The following KCNA5 variants were observed in gnomAD, a reference collection of about 807,000 sequenced individuals.
KCNA5 encodes potassium voltage-gated channel subfamily A member 5, also known as cardiac potassium channel.
KCNA5 carries 22 observed loss-of-function variants against 26.5 expected under a neutral mutation model. The observed-to-expected ratio is 0.83, with a 90% confidence interval of 0.59 to 1.18. The LOEUF is 1.18. Ranked by LOEUF, KCNA5 falls within the 50% of genes most tolerant of loss-of-function variation. KCNA5 has a pLI of 0.00. For missense variants in KCNA5, 916 were observed against 843.2 expected (o/e 1.09, Z -1.07); for synonymous variants, 465 against 372.8 (o/e 1.25, Z -2.85).
rs1476810269 is a variant in KCNA5 at position 5,044,037 on chromosome 12, A to G, written c.-111A>G. 4 of 1,241,344 alleles carry G rather than the reference A, an allele frequency of 3.2e-6. No individual in the cohort carries two copies. The highest frequency in any genetic ancestry group is 4.5e-6 in the Non-Finnish European group (4 of 890,504). 76.9% of individuals were successfully genotyped at this position (1,241,344 alleles called of 1,614,324 possible). ...CCAGCAACCCCAGCTCTCCCCAGAG[A>G]GGGGCCGGCCGACCGCTGGAGCGGA... On this transcript the variant is annotated 5_prime_UTR_variant, in exon 1 of 1. Coordinates refer to ENST00000252321, the MANE Select transcript of KCNA5 (RefSeq NM_002234.4).
chr12:5,044,203 G>C lies in KCNA5; in HGVS notation c.56G>C (p.Gly19Ala). Residue 19 changes from glycine (G) to alanine (A), a missense_variant, in exon 1 of 1, where the codon GGC (glycine) becomes GCC (alanine). By Grantham distance (60) the Gly-to-Ala change is moderately conservative. Coordinates refer to ENST00000252321, the MANE Select transcript of KCNA5 (RefSeq NM_002234.4). ...GGCGGTGCCATGACCGTCAGAGGAG[G>C]CGATGAGGCCCGGGCAGGCTGCGGC... Reference protein sequence around the residue: ...ENGGAMTVRGGDEARAGCGQA... With the variant: ...ENGGAMTVRGADEARAGCGQA... The C allele has an allele frequency of 6.5e-7, 1 of 1,537,766 alleles. No individual in the cohort carries two copies. Among genetic ancestry groups the C allele is most frequent in the Non-Finnish European group, 8.7e-7 (1 of 1,146,800 alleles).
At position 5,045,431 on chromosome 12, in the gene KCNA5, G is replaced by A; in HGVS notation, c.1284G>A (p.Gln428=). 1 of 1,614,184 alleles carries A rather than the reference G, an allele frequency of 6.2e-7. No individual in the cohort carries two copies. The highest frequency in any genetic ancestry group is 8.5e-7 in the Non-Finnish European group (1 of 1,180,012). Residue 428 remains glutamine (Q), a synonymous_variant, in exon 1 of 1, where the codon CAG becomes CAA. Transcript: ENST00000252321. The surrounding 1 kb of genome is among the most constrained non-coding windows in gnomAD (Gnocchi z 5.6). Reference sequence around the variant, plus strand: ...TGCAGATCCTGGGCAAGACCTTGCAGGCCTCCATGAGGGAGCTGGGGCTGC... The same window carrying A: ...TGCAGATCCTGGGCAAGACCTTGCAAGCCTCCATGAGGGAGCTGGGGCTGC... ...KGLQILGKTL[Q]ASMRELGLLI... is the part of the protein sequence containing the mutation.
chr12:5,044,591 C>G lies in KCNA5; in HGVS notation c.444C>G (p.Asp148Glu). The G allele has an allele frequency of 6.2e-7, 1 of 1,614,072 alleles. No homozygotes were observed. Among genetic ancestry groups the G allele is most frequent in the Non-Finnish European group, 8.5e-7 (1 of 1,180,034 alleles). ...LAQFPNTLLGDPAKRLRYFDP... is the reference protein window; with the variant it reads ...LAQFPNTLLGEPAKRLRYFDP... ...AGTTCCCCAACACACTCCTGGGGGA[C>G]CCCGCCAAGCGCCTGCGCTACTTCG... Residue 148 changes from aspartate to glutamate, a missense_variant, in exon 1 of 1, where the codon GAC becomes GAG. Physicochemically the swap from Asp to Glu is conservative, Grantham distance 45. Coordinates refer to ENST00000252321, the MANE Select transcript of KCNA5 (RefSeq NM_002234.4).
In KCNA5 at chr12:5,046,049, G is replaced by T; in HGVS notation, c.*60G>T. Reference sequence around the variant, plus strand: ...GGGAATGGGAGGCTTGCTGAACATGGATATCTACATTATACCGCAGAGTAT... The same window carrying T: ...GGGAATGGGAGGCTTGCTGAACATGTATATCTACATTATACCGCAGAGTAT... On this transcript the variant is annotated 3_prime_UTR_variant, in exon 1 of 1. Transcript: ENST00000252321. 6.3e-7 allele frequency: 1 copy of T among 1,591,662 alleles called. No individual in the cohort carries two copies. The highest frequency in any genetic ancestry group is 8.6e-7 in the Non-Finnish European group (1 of 1,161,924).
chr12:5,045,744 G>T lies in KCNA5; in HGVS notation c.1597G>T (p.Ala533Ser), dbSNP rs540903138. ...YHRETDHEEPAVLKEEQGTQS... is the reference protein window; with the variant it reads ...YHRETDHEEPSVLKEEQGTQS... ...CCGGGAAACGGATCACGAGGAGCCGGCAGTCCTTAAGGAAGAGCAGGGCAC... is the reference window on the plus strand; with the variant it reads ...CCGGGAAACGGATCACGAGGAGCCGTCAGTCCTTAAGGAAGAGCAGGGCAC... The change falls in exon 1 of 1, where the codon GCA (alanine) becomes TCA (serine). Residue 533 changes from alanine to serine, a missense_variant. By Grantham distance (99) the Ala-to-Ser change is moderately conservative. Coordinates refer to ENST00000252321, the MANE Select transcript of KCNA5 (RefSeq NM_002234.4). The surrounding 1 kb of genome is among the most constrained non-coding windows in gnomAD (Gnocchi z 5.6). 9.9e-6 allele frequency: 16 copies of T among 1,614,154 alleles called. 1 individual carries two copies. In the South Asian group the frequency reaches 1.6e-4, roughly 17 times the overall value.
rs1197530568 is a variant in KCNA5, at chr12:5,044,215, G to C, written c.68G>C (p.Arg23Pro). ...ACCGTCAGAGGAGGCGATGAGGCCCGGGCAGGCTGCGGCCAGGCCACAGGG... is the reference window on the plus strand; with the variant it reads ...ACCGTCAGAGGAGGCGATGAGGCCCCGGCAGGCTGCGGCCAGGCCACAGGG... ...AMTVRGGDEA[R>P]AGCGQATGGE... Residue 23 changes from arginine to proline, a missense_variant, in exon 1 of 1, where the codon CGG becomes CCG. Physicochemically the swap from Arg to Pro is moderately radical, Grantham distance 103 (BLOSUM62 -2). Coordinates refer to ENST00000252321, the MANE Select transcript of KCNA5 (RefSeq NM_002234.4). The C allele has an allele frequency of 6.5e-7, 1 of 1,537,886 alleles. No individual in the cohort carries two copies.
At position 5,046,196 on chromosome 12, in the gene KCNA5, C is replaced by T; in HGVS notation, c.*207C>T. The stretch of plus-strand genomic sequence containing the variant: ...AAGGGTCGCCTATTTTTAAAAAGTA[C>T]CACATTCCATGACGCAGGAGCTGTG... On this transcript the variant is annotated 3_prime_UTR_variant, in exon 1 of 1. Transcript: ENST00000252321. 4.5e-6 allele frequency: 3 copies of T among 671,770 alleles called. No homozygotes were observed. Among genetic ancestry groups the T allele is most frequent in the Non-Finnish European group, 5.3e-6 (2 of 374,188 alleles). 41.6% of individuals were successfully genotyped at this position (671,770 alleles called of 1,614,324 possible). A position where few individuals can be genotyped will look rare whatever the true frequency, so the allele number is the denominator to read the frequency against.
Position 5,044,224 on chromosome 12 carries a change from G to T in KCNA5, c.77G>T (p.Cys26Phe). 1 of 1,538,080 alleles carries T rather than the reference G, an allele frequency of 6.5e-7. No homozygotes were observed. Among genetic ancestry groups the T allele is most frequent in the African/African-American group, 1.4e-5 (1 of 73,220 alleles). ...VRGGDEARAG[C>F]GQATGGELQC... ...GGAGGCGATGAGGCCCGGGCAGGCT[G>T]CGGCCAGGCCACAGGGGGAGAGCTC... Residue 26 changes from cysteine to phenylalanine, a missense_variant, in exon 1 of 1, where the codon TGC becomes TTC. By Grantham distance (205) the Cys-to-Phe change is radical. Coordinates refer to ENST00000252321, the MANE Select transcript of KCNA5 (RefSeq NM_002234.4).
rs776218588 is a variant in KCNA5, at chr12:5,044,305, G to T, written c.158G>T (p.Gly53Val). The change falls in exon 1 of 1, where the codon GGG becomes GTG. Residue 53 changes from glycine (G) to valine (V), a missense_variant. By Grantham distance (109) the Gly-to-Val change is moderately radical. Transcript: ENST00000252321. Reference sequence around the variant, plus strand: ...GGGCCCAAGGAGCCGGCGCCAAAGGGGCGCGGCGCGCAGAGAGACGCGGAC... The same window carrying T: ...GGGCCCAAGGAGCCGGCGCCAAAGGTGCGCGGCGCGCAGAGAGACGCGGAC... Reference protein sequence around the residue: ...SDGPKEPAPKGRGAQRDADSG... With the variant: ...SDGPKEPAPKVRGAQRDADSG... 1.1e-5 allele frequency: 17 copies of T among 1,548,960 alleles called. No homozygotes were observed. In the South Asian group the frequency reaches 1.8e-4, roughly 16 times the overall value.
Position 5,046,169 on chromosome 12 carries a change from C to G in KCNA5, c.*180C>G, listed in dbSNP as rs968690309. ...ATTTTCTCTATTCTTTCCATGACACCCAAGGGTCGCCTATTTTTAAAAAGT... is the reference window on the plus strand; with the variant it reads ...ATTTTCTCTATTCTTTCCATGACACGCAAGGGTCGCCTATTTTTAAAAAGT... On this transcript the variant is annotated 3_prime_UTR_variant, in exon 1 of 1. Transcript: ENST00000252321. 1 of 776,568 alleles carries G rather than the reference C, an allele frequency of 1.3e-6. No individual in the cohort carries two copies. The highest frequency in any genetic ancestry group is 2.2e-6 in the Non-Finnish European group (1 of 458,230). 48.1% of individuals were successfully genotyped at this position (776,568 alleles called of 1,614,324 possible). A position where few individuals can be genotyped will look rare whatever the true frequency, so the allele number is the denominator to read the frequency against.
Position 5,043,951 on chromosome 12 carries a change from A to T in KCNA5, c.-197A>T. 1 of 602,116 alleles carries T rather than the reference A, an allele frequency of 1.7e-6. No homozygotes were observed. The highest frequency in any genetic ancestry group is 2.9e-6 in the Non-Finnish European group (1 of 345,684). The allele number at this position is 602,116 out of a possible 1,614,324, so 37.3% of individuals were successfully genotyped here. A position where few individuals can be genotyped will look rare whatever the true frequency, so the allele number is the denominator to read the frequency against. Reference sequence around the variant, plus strand: ...CTGCTTGGTAACGGGCTGCCAGAAGAGAGAGAGGCAGAGAGCAGGGCAGCG... The same window carrying T: ...CTGCTTGGTAACGGGCTGCCAGAAGTGAGAGAGGCAGAGAGCAGGGCAGCG... On this transcript the variant is annotated 5_prime_UTR_variant, in exon 1 of 1. Coordinates refer to ENST00000252321, the MANE Select transcript of KCNA5 (RefSeq NM_002234.4).
chr12:5,044,922 G>T lies in KCNA5; in HGVS notation c.775G>T (p.Val259Phe), dbSNP rs528511896. Residue 259 changes from valine to phenylalanine, a missense_variant, in exon 1 of 1, where the codon GTT becomes TTT. Coordinates refer to ENST00000252321, the MANE Select transcript of KCNA5 (RefSeq NM_002234.4). ...ARAIAIVSVL[V>F]ILISIITFCL... ...GGCCATCGCCATCGTCTCGGTCTTG[G>T]TTATCCTCATCTCCATCATCACCTT... The T allele has an allele frequency of 1.9e-6, 3 of 1,613,640 alleles. No homozygotes were observed. The African/African-American group carries it at 4.0e-5, about 22-fold the overall frequency.
At position 5,044,781 on chromosome 12, in the gene KCNA5, C is replaced by A. The variant is rs77281462; in HGVS notation, c.634C>A (p.Arg212Ser). 2.5e-6 allele frequency: 4 copies of A among 1,614,188 alleles called. No individual in the cohort carries two copies. The highest frequency in any genetic ancestry group is 1.7e-5 in the Admixed American group (1 of 60,032). Reference protein sequence around the residue: ...FYQLGDEAMERFREDEGFIKE... With the variant: ...FYQLGDEAMESFREDEGFIKE... Reference sequence around the variant, plus strand: ...CCAGCTGGGGGACGAGGCCATGGAGCGCTTCCGCGAGGATGAGGGCTTCAT... The same window carrying A: ...CCAGCTGGGGGACGAGGCCATGGAGAGCTTCCGCGAGGATGAGGGCTTCAT... The change falls in exon 1 of 1, where the codon CGC (arginine) becomes AGC (serine). Residue 212 changes from arginine to serine, a missense_variant. Arg to Ser is a moderately radical substitution (Grantham distance 110, BLOSUM62 -1). Transcript: ENST00000252321.
chr12:5,043,900 G>A lies in KCNA5; in HGVS notation c.-248G>A. 1 of 533,584 alleles carries A rather than the reference G, an allele frequency of 1.9e-6. No homozygotes were observed. 33.1% of individuals were successfully genotyped at this position (533,584 alleles called of 1,614,324 possible). ...AGCCAGAGAGGGGCGGCTGAAGGTTGCATCTGCTGGAAGGAGGCTTTTCGG... is the reference window on the plus strand; with the variant it reads ...AGCCAGAGAGGGGCGGCTGAAGGTTACATCTGCTGGAAGGAGGCTTTTCGG... On this transcript the variant is annotated 5_prime_UTR_variant, in exon 1 of 1. Transcript: ENST00000252321.
rs45504599 is a variant in KCNA5, at chr12:5,044,528, C to G, written c.381C>G (p.Ser127=). Residue 127 remains serine, a synonymous_variant, in exon 1 of 1, where the codon TCC becomes TCG. Transcript: ENST00000252321. Reference sequence around the variant, plus strand: ...ACCAGCGCGTCCACATCAACATCTCCGGGCTGCGCTTTGAGACGCAGCTGG... The same window carrying G: ...ACCAGCGCGTCCACATCAACATCTCGGGGCTGCGCTTTGAGACGCAGCTGG... ...LHHQRVHINI[S]GLRFETQLGT... 1 of 1,613,572 alleles carries G rather than the reference C, an allele frequency of 6.2e-7. No homozygotes were observed. Among genetic ancestry groups the G allele is most frequent in the Non-Finnish European group, 8.5e-7 (1 of 1,179,880 alleles).
At position 5,044,699 on chromosome 12, in the gene KCNA5, C is replaced by A; in HGVS notation, c.552C>A (p.Arg184=). The change falls in exon 1 of 1, where the codon CGC becomes CGA. Residue 184 remains arginine, a synonymous_variant. Transcript: ENST00000252321. The part of the protein sequence containing the change: ...GILYYYQSGG[R]LRRPVNVSLD... ...TCTACTACTACCAGTCCGGGGGCCGCCTGCGGAGGCCGGTCAACGTCTCCC... is the reference window on the plus strand; with the variant it reads ...TCTACTACTACCAGTCCGGGGGCCGACTGCGGAGGCCGGTCAACGTCTCCC... 1 of 1,614,190 alleles carries A rather than the reference C, an allele frequency of 6.2e-7. No homozygotes were observed. Among genetic ancestry groups the A allele is most frequent in the Non-Finnish European group, 8.5e-7 (1 of 1,180,046 alleles).
chr12:5,044,714 C>T lies in KCNA5; in HGVS notation c.567C>T (p.Val189=). The T allele has an allele frequency of 6.2e-7, 1 of 1,614,196 alleles. No homozygotes were observed. The highest frequency in any genetic ancestry group is 2.2e-5 in the East Asian group (1 of 44,854). Residue 189 remains valine, a synonymous_variant, in exon 1 of 1, where the codon GTC becomes GTT. Coordinates refer to ENST00000252321, the MANE Select transcript of KCNA5 (RefSeq NM_002234.4). ...CCGGGGGCCGCCTGCGGAGGCCGGT[C>T]AACGTCTCCCTGGACGTGTTCGCGG... is the stretch of plus-strand genomic sequence containing the variant. ...YQSGGRLRRP[V]NVSLDVFADE...
rs1392472991 is a variant in KCNA5 at position 5,044,289 on chromosome 12, G to A, written c.142G>A (p.Glu48Lys). ...PTAGLSDGPK[E>K]PAPKGRGAQR... ...GGCTGGGCTCAGCGATGGGCCCAAG[G>A]AGCCGGCGCCAAAGGGGCGCGGCGC... Residue 48 changes from glutamate to lysine, a missense_variant, in exon 1 of 1, where the codon GAG (glutamate) becomes AAG (lysine). Coordinates refer to ENST00000252321, the MANE Select transcript of KCNA5 (RefSeq NM_002234.4). The A allele has an allele frequency of 1.9e-6, 3 of 1,546,792 alleles. No homozygotes were observed. Among genetic ancestry groups the A allele is most frequent in the Admixed American group, 1.9e-5 (1 of 51,840 alleles).
In KCNA5 at chr12:5,044,343, C is replaced by A; in HGVS notation, c.196C>A (p.Pro66Thr). Residue 66 changes from proline (P) to threonine (T), a missense_variant, in exon 1 of 1, where the codon CCC becomes ACC. Transcript: ENST00000252321. Reference protein sequence around the residue: ...AQRDADSGVRPLPPLPDPGVR... With the variant: ...AQRDADSGVRTLPPLPDPGVR... ...GAGAGACGCGGACTCGGGAGTGCGG[C>A]CCTTGCCTCCGCTGCCGGACCCGGG... The A allele has an allele frequency of 6.5e-7, 1 of 1,546,310 alleles. No individual in the cohort carries two copies.
Sources: gnomAD v4.1 joint callset for allele counts on GRCh38, gnomAD v4.1.1 for gene constraint, Gnocchi (gnomAD v3.1) non-coding constraint, MANE v1.5 for transcripts, NCBI Gene and HGNC (gene_info 2026-07-23, HGNC 2026-07-21) for gene names.